MORC2: variants seen among roughly 807,000 people sequenced by gnomAD.
MORC2 encodes the protein ATPase MORC2.
A neutral mutation model predicts 136.0 loss-of-function variants in MORC2; 30 were observed. The ratio of observed to expected loss-of-function variants is 0.22; its 90% confidence interval spans 0.17 to 0.30. MORC2 has a LOEUF of 0.30. MORC2 is among the 10% of genes least tolerant of loss of function. The pLI, the probability that MORC2 is intolerant of heterozygous loss-of-function variation, is 1.00. For missense variants in MORC2, 922 were observed against 1,333.1 expected (o/e 0.69, Z 4.80); for synonymous variants, 439 against 487.0 (o/e 0.90, Z 1.30).
intron 1 of MORC2, among the ~76,000 whole-genome samples, chr22:30,965,119 G>T (rs534621247): frequency 6.6e-6 from 1 of 152,294 alleles, no homozygotes; most frequent in East Asian, 1.9e-4. Context: ...GCAAGCACAC[G>T]GTCTTTTCAC....
Position 30,932,945 on chromosome 22 carries a change from C to T in MORC2, c.2466G>A (p.Val822=), listed in dbSNP as rs2040597200. 6.2e-7 allele frequency: 1 copy of T among 1,614,186 alleles called. No individual in the cohort carries two copies. The highest frequency in any genetic ancestry group is 8.5e-7 in the Non-Finnish European group (1 of 1,180,014). ...VTAVEVGKHV[V]RWKVKFDYVP... is the part of the protein sequence containing the mutation. The stretch of plus-strand genomic sequence containing the variant: ...CGTAGTCAAACTTCACCTTCCACCG[C>T]ACCACATGCTTGCCCACCTCCACGG... The change falls in exon 22 of 26, where the codon GTG becomes GTA. Residue 822 remains valine (V), a synonymous_variant. Coordinates refer to ENST00000397641, the MANE Select transcript of MORC2 (RefSeq NM_001303256.3). This position sits in a 1 kb window ranked among gnomAD's most constrained non-coding sequence, Gnocchi z 4.4.
chr22:30,927,405 C>T (rs1454376549), intron 25 of MORC2, among the ~76,000 whole-genome samples: 1 of 152,214 alleles, frequency 6.6e-6, no homozygotes, highest in African/African-American at 2.4e-5. Context: ...GCTCAGGCCT[C>T]AAGTCCTGCT....
Position 30,967,121 on chromosome 22 carries a change from T to C in MORC2, c.68+701A>G, listed in dbSNP as rs745343032. The C allele has an allele frequency of 4.0e-4, 399 of 985,426 alleles. 1 individual carries two copies. The highest frequency in any genetic ancestry group is 1.0e-3 in the Middle Eastern group (2 of 1,914). The allele number at this position is 985,426 out of a possible 1,614,324, so 61.0% of individuals were successfully genotyped here. A position where few individuals can be genotyped will look rare whatever the true frequency, so the allele number is the denominator to read the frequency against. ...TAAAACACTAAAGTTTTGACGCTAC[T>C]GGACAGCCTCCAAGAGAGTGGGCAT... On this transcript the variant is annotated intron_variant, in intron 1 of 25. Coordinates refer to ENST00000397641, the MANE Select transcript of MORC2 (RefSeq NM_001303256.3).
chr22:30,948,471 C>G (rs1208559704), intron 5 of MORC2, among the ~76,000 whole-genome samples: 1 of 152,312 alleles, frequency 6.6e-6, no homozygotes, highest in African/African-American at 2.4e-5. Context: ...ATGGAAACAT[C>G]AAAGGAGGAG....
chr22:30,930,306 T>C (rs1255891220), intron 24 of MORC2, among the ~76,000 whole-genome samples: 1 of 152,232 alleles, frequency 6.6e-6, no homozygotes, highest in Non-Finnish European at 1.5e-5. Context: ...CAGGCCAACC[T>C]AGCCACCCTA....
rs2040466108 is a variant in MORC2 at position 30,925,228 on chromosome 22, A to G, written c.*1575T>C. On this transcript the variant is annotated 3_prime_UTR_variant, in exon 26 of 26. Transcript: ENST00000397641. ...ACCCTCCAGTAAAAATGTGGAACCA[A>G]TTTGCATTTGGATTAAAACATTAGG... The G allele has an allele frequency of 3.4e-6, 1 of 297,328 alleles. No individual in the cohort carries two copies. The highest frequency in any genetic ancestry group is 6.6e-6 in the Non-Finnish European group (1 of 152,312). 18.4% of individuals were successfully genotyped at this position (297,328 alleles called of 1,614,324 possible).
intron 25 of MORC2, among the ~76,000 whole-genome samples, chr22:30,927,586 C>T (rs1409772086): frequency 6.6e-6 from 1 of 152,196 alleles, no homozygotes; most frequent in Admixed American, 6.5e-5. Context: ...GACTGGCAGG[C>T]TGTGAGAGCA....
intron 10 of MORC2, among the ~76,000 whole-genome samples, chr22:30,940,342 A>C (rs1273699016): frequency 6.6e-6 from 1 of 152,014 alleles, no homozygotes; most frequent in Non-Finnish European, 1.5e-5. Flanking sequence ...ACTCAGCTTG[A>C]GCTGGAAGCT....
chr22:30,955,299 C>T (rs1014461667), intron 3 of MORC2, among the ~76,000 whole-genome samples: 2 of 152,108 alleles, frequency 1.3e-5, no homozygotes, highest in Admixed American at 6.5e-5. Context: ...CATTCTTTTC[C>T]TGTGTGCCCC....
intron 1 of MORC2, among the ~76,000 whole-genome samples, chr22:30,966,692 C>T (rs896569365): frequency 5.9e-5 from 9 of 152,010 alleles, no homozygotes; most frequent in Non-Finnish European, 1.2e-4. Context: ...GCAGGAGAAT[C>T]GTTTGAACCT....
chr22:30,941,483 A>G lies in MORC2; in HGVS notation c.774T>C (p.His258=), dbSNP rs747931761. The part of the protein sequence containing the change: ...YIDPRMRIFI[H]GHKVQTKRLS... The stretch of plus-strand genomic sequence containing the variant: ...GCCTCTTGGTCTGCACCTTGTGCCC[A>G]TGGATGAAGATCCTCATCCGGGGAT... Residue 258 remains histidine (H), a synonymous_variant, in exon 9 of 26, where the codon CAT becomes CAC. Coordinates refer to ENST00000397641, the MANE Select transcript of MORC2 (RefSeq NM_001303256.3). The surrounding 1 kb of genome is among the most constrained non-coding windows in gnomAD (Gnocchi z 4.6). 3.0e-5 allele frequency: 48 copies of G among 1,614,108 alleles called. 5 individuals carry two copies. The Admixed American group carries it at 4.0e-4, about 13-fold the overall frequency.
chr22:30,927,936 T>C, intron 25 of MORC2, 83 bp downstream of exon 25: 1 of 1,516,696 alleles, frequency 6.6e-7, no homozygotes, highest in Non-Finnish European at 9.0e-7. Flanking sequence ...GGATAGATTC[T>C]TGTGAGAACA....
chr22:30,937,277 C>T lies in MORC2; in HGVS notation c.1499-240G>A, dbSNP rs929526773. On this transcript the variant is annotated intron_variant, in intron 15 of 25. Coordinates refer to ENST00000397641, the MANE Select transcript of MORC2 (RefSeq NM_001303256.3). This position sits in a 1 kb window ranked among gnomAD's most constrained non-coding sequence, Gnocchi z 4.7. ...CCCCCAGCCCCTCTCCCTTTTTTATCAAGATCCTGGCTCAGTCATCCACGC... is the reference window on the plus strand; with the variant it reads ...CCCCCAGCCCCTCTCCCTTTTTTATTAAGATCCTGGCTCAGTCATCCACGC... Among the ~76,000 whole-genome samples the T allele has an allele frequency of 3.3e-5, 5 of 152,244 alleles. No individual in the cohort carries two copies. The highest frequency in any genetic ancestry group is 1.2e-4 in the African/African-American group (5 of 41,544).
intron 5 of MORC2, among the ~76,000 whole-genome samples, chr22:30,948,921 ACT>A (rs775574158): frequency 1.4e-4 from 21 of 152,058 alleles, no homozygotes; most frequent in African/African-American, 2.9e-4. Flanking sequence ...CTTCGGAAGT[ACT>A]CTCTTTCTTC....
At position 30,941,765 on chromosome 22, in the gene MORC2, GC is replaced by G. The variant is rs1024707461; in HGVS notation, c.698+125del. On this transcript the variant is annotated intron_variant, in intron 8 of 25. Transcript: ENST00000397641. This position sits in a 1 kb window ranked among gnomAD's most constrained non-coding sequence, Gnocchi z 4.6. Reference sequence around the variant, plus strand: ...AGGCACCCCACAGGCAACTGAGCTGGCCCTACATACTACCCTACCACAGAAC... The same window carrying G: ...AGGCACCCCACAGGCAACTGAGCTGGCCTACATACTACCCTACCACAGAAC... 1.8e-6 allele frequency: 2 copies of G among 1,117,472 alleles called. No individual in the cohort carries two copies. Among genetic ancestry groups the G allele is most frequent in the Non-Finnish European group, 2.6e-6 (2 of 767,572 alleles). 69.2% of individuals were successfully genotyped at this position (1,117,472 alleles called of 1,614,324 possible).
chr22:30,945,246 T>A (rs947004772), intron 6 of MORC2, among the ~76,000 whole-genome samples: 1 of 152,150 alleles, frequency 6.6e-6, no homozygotes, highest in African/African-American at 2.4e-5. Context: ...GCCACGCTTC[T>A]CTCACTCAAG....
chr22:30,932,691 C>T lies in MORC2; in HGVS notation c.2601G>A (p.Glu867=). Residue 867 remains glutamate (E), a synonymous_variant, in exon 23 of 26, where the codon GAG becomes GAA. Transcript: ENST00000397641. The surrounding 1 kb of genome is among the most constrained non-coding windows in gnomAD (Gnocchi z 4.4). The part of the protein sequence containing the change: ...PEHQSLDTQQ[E]GGEEEVGPVA... ...CAGGGCCCACCTCCTCCTCCCCGCC[C>T]TCCTGTTGTGTATCAAGGCTCTGAT... The T allele has an allele frequency of 1.9e-6, 3 of 1,614,202 alleles. No homozygotes were observed. The highest frequency in any genetic ancestry group is 2.2e-5 in the South Asian group (2 of 91,092).
chr22:30,935,748 T>A (rs2040643142), intron 17 of MORC2, among the ~76,000 whole-genome samples: 1 of 151,768 alleles, frequency 6.6e-6, no homozygotes, highest in Admixed American at 6.6e-5. Flanking sequence ...GTACTAAATA[T>A]GATAAACAGA....
intron 3 of MORC2, among the ~76,000 whole-genome samples, chr22:30,956,339 C>T (rs1161523371): frequency 6.6e-6 from 1 of 152,192 alleles, no homozygotes; most frequent in South Asian, 2.1e-4. Context: ...CAACCGATAC[C>T]AGCAATTCTC....
Sources: gnomAD v4.1 joint callset for allele counts (sites outside exome capture counted in the v4.1 genomes callset) on GRCh38, gnomAD v4.1.1 for gene constraint, Gnocchi (gnomAD v3.1) non-coding constraint, MANE v1.5 for transcripts, NCBI Gene and HGNC (gene_info 2026-07-23, HGNC 2026-07-21) for gene names.